The following COL9A1 variants were observed in gnomAD, a reference collection of about 807,000 sequenced individuals.
COL9A1 encodes collagen type IX alpha 1 chain.
COL9A1 carries 104 observed loss-of-function variants against 142.6 expected under a neutral mutation model. The ratio of observed to expected loss-of-function variants is 0.73; its 90% CI spans 0.62 to 0.86. COL9A1 has a LOEUF of 0.86. Among genes scored for constraint, COL9A1 ranks in the 40% least tolerant of loss-of-function variants. The pLI is 0.00. For missense variants in COL9A1, 1,210 were observed against 1,176.6 expected, an observed-to-expected ratio of 1.03 and a Z score of -0.42; for synonymous variants, 466 against 396.0, an observed-to-expected ratio of 1.18 and a Z score of -2.10.
At chr6:70,281,597 C>G in intron 7 of COL9A1, 133 bp from the exon 8 acceptor site, 1 of 637,476 alleles carries the variant, frequency 1.6e-6, no homozygotes, top group Admixed American at 3.0e-5. Flanking sequence ...TGCAACCCAA[C>G]GCAAAAATGT....
At chr6:70,219,464 C>A (rs193135193) in intron 37 of COL9A1, among the ~76,000 whole-genome samples, 5 of 152,194 alleles carry the variant, frequency 3.3e-5, no homozygotes, top group African/African-American at 1.2e-4. Context: ...CAATATGGTG[C>A]CCATAGCCAA....
At chr6:70,221,838 T>A (rs1768898006) in intron 37 of COL9A1, among the ~76,000 whole-genome samples, 1 of 151,644 alleles carries the variant, frequency 6.6e-6, no homozygotes, top group African/African-American at 2.4e-5. Context: ...GCAGAGAGAG[T>A]CTTTGAGACA....
chr6:70,283,633 A>T (rs1347586020), intron 6 of COL9A1, 104 bp downstream of exon 6: 2 of 812,668 alleles, frequency 2.5e-6, no homozygotes, highest in East Asian at 5.3e-5. Flanking sequence ...AGCGAAAGAG[A>T]GTGGGGAGGA....
chr6:70,271,961 G>T (rs1056671726), intron 13 of COL9A1, 104 bp downstream of exon 13: 3 of 1,215,196 alleles, frequency 2.5e-6, no homozygotes, highest in Non-Finnish European at 3.6e-6. Context: ...GTAGAACACT[G>T]TAAACACCAC....
intron 37 of COL9A1, among the ~76,000 whole-genome samples, chr6:70,222,046 C>T (rs544339355): frequency 5.3e-5 from 8 of 152,276 alleles, no homozygotes; most frequent in Middle Eastern, 3.4e-3. Flanking sequence ...GATTAGACAG[C>T]CAGCCAATCA....
At chr6:70,225,538 C>T (rs947312127) in intron 37 of COL9A1, among the ~76,000 whole-genome samples, 2 of 151,432 alleles carry the variant, frequency 1.3e-5, no homozygotes, top group African/African-American at 4.9e-5. Context: ...ACTCCTTGTG[C>T]AAGAGATTAA....
rs145329568 is a variant in COL9A1, at chr6:70,263,940, G to T, written c.1342-643C>A. ...ATCTGTAATTACCCGTAATTTGTTT[G>T]GATGTAAAGCAAAACGTATACATCT... is the stretch of plus-strand genomic sequence containing the variant. On this transcript the variant is annotated intron_variant, in intron 18 of 37. Coordinates refer to ENST00000357250, the MANE Select transcript of COL9A1 (RefSeq NM_001851.6). 2.9e-3 allele frequency among the ~76,000 whole-genome samples: 444 copies of T among 151,780 alleles called. 1 individual carries two copies. Among genetic ancestry groups the T allele is most frequent in the African/African-American group, 1.0e-2 (414 of 41,450 alleles).
At chr6:70,286,788 C>G (rs546624655) in intron 5 of COL9A1, among the ~76,000 whole-genome samples, 3 of 152,158 alleles carry the variant, frequency 2.0e-5, no homozygotes, top group Non-Finnish European at 4.4e-5. Context: ...AGACATAGTG[C>G]TAGGGATGTA....
chr6:70,241,557 T>G, intron 30 of COL9A1, 103 bp from the exon 31 acceptor site: 1 of 957,912 alleles, frequency 1.0e-6, no homozygotes, highest in Non-Finnish European at 1.7e-6. Flanking sequence ...ACGGATAATG[T>G]GATGGGAGAG....
chr6:70,247,722 A>T (rs1444022665), intron 28 of COL9A1, among the ~76,000 whole-genome samples: 1 of 152,218 alleles, frequency 6.6e-6, no homozygotes, highest in African/African-American at 2.4e-5. Flanking sequence ...AGATATTTTT[A>T]AAATCTATTC....
At chr6:70,244,872 G>A (rs538206243) in intron 28 of COL9A1, among the ~76,000 whole-genome samples, 37 of 152,120 alleles carry the variant, frequency 2.4e-4, no homozygotes, top group Non-Finnish European at 4.6e-4. Flanking sequence ...CAGACCCTTG[G>A]TAATATATAT....
At position 70,239,259 on chromosome 6, in the gene COL9A1, C is replaced by T; in HGVS notation, c.2107G>A (p.Gly703Arg). The part of the protein sequence containing the change: ...LGDIGLPGPK[G>R]SAGNPGEPGL... ...TTACTATTCACCATACTTACAGATC[C>T]CTTTGGGCCAGGTAATCCTATATCT... Residue 703 changes from glycine (G) to arginine (R), a missense_variant, in exon 33 of 38, where the codon GGA (glycine) becomes AGA (arginine). Coordinates refer to ENST00000357250, the MANE Select transcript of COL9A1 (RefSeq NM_001851.6). The T allele has an allele frequency of 6.4e-7, 1 of 1,554,902 alleles. No homozygotes were observed. The highest frequency in any genetic ancestry group is 8.9e-7 in the Non-Finnish European group (1 of 1,126,656).
intron 4 of COL9A1, among the ~76,000 whole-genome samples, chr6:70,296,083 TAAC>T (rs1041826276): frequency 7.2e-5 from 11 of 152,196 alleles, no homozygotes; most frequent in African/African-American, 2.4e-4. Context: ...TTATGTCTTA[TAAC>T]AACATAAACA....
chr6:70,216,089 A>G (rs1469451003), downstream of COL9A1: 1 of 152,642 alleles, frequency 6.6e-6, no homozygotes, highest in Non-Finnish European at 1.5e-5. Flanking sequence ...ACTTCTTTTC[A>G]TTGAACATGA....
Position 70,291,224 on chromosome 6 carries a change from G to A in COL9A1, c.696+2943C>T, listed in dbSNP as rs149481559. On this transcript the variant is annotated intron_variant, in intron 5 of 37. Transcript: ENST00000357250. ...GACTACCTTCAGTTTTCAAAAATGA[G>A]GAACAAAATGGGAACACTAACAAAG... 2.6e-5 allele frequency among the ~76,000 whole-genome samples: 4 copies of A among 152,214 alleles called. No individual in the cohort carries two copies. The East Asian group carries it at 7.7e-4, about 29-fold the overall frequency.
At chr6:70,274,525 C>A (rs779862735) in intron 11 of COL9A1, among the ~76,000 whole-genome samples, 194 bp downstream of exon 11, 1 of 151,964 alleles carries the variant, frequency 6.6e-6, no homozygotes, top group Non-Finnish European at 1.5e-5. Flanking sequence ...ATCCACGTCC[C>A]TGCAAAGGAC....
chr6:70,289,736 T>G (rs1773589071), intron 5 of COL9A1, among the ~76,000 whole-genome samples: 1 of 152,198 alleles, frequency 6.6e-6, no homozygotes, highest in Admixed American at 6.5e-5. Flanking sequence ...ATAAGCAGAC[T>G]TAATAGTTTT....
chr6:70,274,443 A>C (rs545033318), intron 11 of COL9A1, among the ~76,000 whole-genome samples: 2 of 152,086 alleles, frequency 1.3e-5, no homozygotes, highest in Admixed American at 6.6e-5. Flanking sequence ...GCTCCCACTT[A>C]TAAGTGAGAA....
chr6:70,300,237 A>C (rs892061127), intron 3 of COL9A1, 62 bp from the exon 4 acceptor site: 1 of 1,609,426 alleles, frequency 6.2e-7, no homozygotes. Context: ...TCTTTCCACA[A>C]CTTTCCCAAA....
Sources: gnomAD v4.1 joint callset for allele counts (sites outside exome capture counted in the v4.1 genomes callset) on GRCh38, gnomAD v4.1.1 for gene constraint, MANE v1.5 for transcripts, NCBI Gene and HGNC (gene_info 2026-07-23, HGNC 2026-07-21) for gene names.